The following PRKCA variants were observed in gnomAD, a reference collection of about 807,000 sequenced individuals.
PRKCA encodes the protein protein kinase C alpha.
PRKCA carries 27 observed loss-of-function variants against 87.0 expected under a neutral mutation model. The observed-to-expected ratio is 0.31, with a 90% CI of 0.23 to 0.43. The LOEUF is 0.43. Ranked by LOEUF, PRKCA falls within the 20% of genes least tolerant of loss-of-function variation. The pLI, the probability that PRKCA is intolerant of heterozygous loss-of-function variation, is 1.00. For synonymous variants in PRKCA, 329 were observed against 311.1 expected, an observed-to-expected ratio of 1.06 and a Z score of -0.61; for missense variants, 518 against 852.3, an observed-to-expected ratio of 0.61 and a Z score of 4.88.
chr17:66,777,989 T>C (rs1975101559), intron 14 of PRKCA: 1 of 985,410 alleles, frequency 1.0e-6, no homozygotes, highest in Admixed American at 6.1e-5. Context: ...GGGGTGCATT[T>C]TGAAGCTCTG....
intron 13 of PRKCA, among the ~76,000 whole-genome samples, chr17:66,770,890 G>A (rs1053485978): frequency 2.6e-5 from 4 of 152,194 alleles, no homozygotes; most frequent in Non-Finnish European, 5.9e-5. Flanking sequence ...AGATGCACGT[G>A]TCTGGGAAGA....
chr17:66,753,683 G>A (rs1274697926), intron 13 of PRKCA, among the ~76,000 whole-genome samples: 1 of 152,164 alleles, frequency 6.6e-6, no homozygotes, highest in African/African-American at 2.4e-5. Flanking sequence ...CTTGAAGAAG[G>A]TAATTAGGGG....
intron 2 of PRKCA, among the ~76,000 whole-genome samples, chr17:66,449,805 TCC>T: frequency 6.6e-6 from 1 of 152,096 alleles, no homozygotes; most frequent in Non-Finnish European, 1.5e-5. Flanking sequence ...GAGTGAAATC[TCC>T]CACCGTGGTT....
intron 8 of PRKCA, among the ~76,000 whole-genome samples, chr17:66,710,919 C>T (rs1371383233): frequency 1.3e-5 from 2 of 151,716 alleles, no homozygotes; most frequent in South Asian, 2.1e-4. Context: ...GGCAGGTGCC[C>T]GTAATCCCAG....
intron 3 of PRKCA, among the ~76,000 whole-genome samples, chr17:66,630,265 A>G (rs1043257986): frequency 2.0e-5 from 3 of 152,228 alleles, no homozygotes; most frequent in Non-Finnish European, 4.4e-5. Flanking sequence ...GAACAAAAAC[A>G]TGATTTAAGT....
intron 2 of PRKCA, among the ~76,000 whole-genome samples, chr17:66,427,334 A>G (rs903702484): frequency 6.6e-6 from 1 of 152,164 alleles, no homozygotes; most frequent in Admixed American, 6.5e-5. Context: ...GCCTGGCCTC[A>G]CTTGTTTTTT....
At chr17:66,621,826 C>A (rs1811496437) in intron 3 of PRKCA, among the ~76,000 whole-genome samples, 1 of 152,150 alleles carries the variant, frequency 6.6e-6, no homozygotes, top group South Asian at 2.1e-4. Context: ...ATAATCTGAT[C>A]CTCTAATGCA....
chr17:66,635,213 T>C (rs1269021371), intron 3 of PRKCA, among the ~76,000 whole-genome samples: 6 of 152,182 alleles, frequency 3.9e-5, no homozygotes, highest in Non-Finnish European at 2.9e-5. Context: ...TTTATAGATG[T>C]AGGAAAGGAT....
At chr17:66,622,853 C>CG (rs1567937884) in intron 3 of PRKCA, among the ~76,000 whole-genome samples, 2 of 152,114 alleles carry the variant, frequency 1.3e-5, no homozygotes, top group Non-Finnish European at 2.9e-5. Flanking sequence ...AAGAACAGTA[C>CG]GGGGGAACCG....
chr17:66,439,145 G>A (rs188963475), intron 2 of PRKCA, among the ~76,000 whole-genome samples: 1 of 152,070 alleles, frequency 6.6e-6, no homozygotes, highest in Non-Finnish European at 1.5e-5. Flanking sequence ...CCAACAGCCT[G>A]TACTACATTA....
intron 2 of PRKCA, among the ~76,000 whole-genome samples, chr17:66,462,237 A>G (rs73996213): frequency 6.6e-6 from 1 of 152,032 alleles, no homozygotes; most frequent in African/African-American, 2.4e-5. Context: ...CTTCTTCCTC[A>G]TTGTTTTATG....
chr17:66,486,999 G>GAAAT (rs1213471406), intron 2 of PRKCA, among the ~76,000 whole-genome samples: 1 of 152,106 alleles, frequency 6.6e-6, no homozygotes, highest in East Asian at 1.9e-4. Flanking sequence ...CAGGGCAACT[G>GAAAT]AAATATTCAT....
intron 3 of PRKCA, among the ~76,000 whole-genome samples, chr17:66,546,489 G>A (rs564635558): frequency 3.3e-5 from 5 of 152,240 alleles, no homozygotes; most frequent in South Asian, 4.1e-4. Flanking sequence ...ATTTTCCTAC[G>A]TTGTGTTAGT....
At chr17:66,762,077 C>A (rs1379174005) in intron 13 of PRKCA, among the ~76,000 whole-genome samples, 1 of 152,162 alleles carries the variant, frequency 6.6e-6, no homozygotes, top group Non-Finnish European at 1.5e-5. Flanking sequence ...TGATTCACTT[C>A]TGATTTACTA....
chr17:66,398,720 A>G (rs1452477998), intron 2 of PRKCA, among the ~76,000 whole-genome samples: 1 of 152,176 alleles, frequency 6.6e-6, no homozygotes, highest in Non-Finnish European at 1.5e-5. Context: ...CGAGAAAGGC[A>G]GATGGATGAT....
chr17:66,805,293 T>C lies in PRKCA; in HGVS notation c.*1256T>C. On this transcript the variant is annotated 3_prime_UTR_variant, in exon 17 of 17. Coordinates refer to ENST00000413366, the MANE Select transcript of PRKCA (RefSeq NM_002737.3). ...CATCATGCAATGAATTTTGCATGTT[T>C]ATAATAAACCTTAATAACAAGTGAA... 1 of 256,566 alleles carries C rather than the reference T, an allele frequency of 3.9e-6. No homozygotes were observed. Among genetic ancestry groups the C allele is most frequent in the East Asian group, 1.8e-4 (1 of 5,642 alleles). 15.9% of individuals were successfully genotyped at this position (256,566 alleles called of 1,614,324 possible). A position where few individuals can be genotyped will look rare whatever the true frequency, so the allele number is the denominator to read the frequency against.
At chr17:66,745,628 C>G (rs1974261022) in intron 13 of PRKCA, among the ~76,000 whole-genome samples, 1 of 152,180 alleles carries the variant, frequency 6.6e-6, no homozygotes, top group Non-Finnish European at 1.5e-5. Context: ...TTGCAGTGAG[C>G]TAAGATCGTG....
rs543612042 is a variant in PRKCA, at chr17:66,594,398, C to T, written c.289-46957C>T. On this transcript the variant is annotated intron_variant, in intron 3 of 16. Transcript: ENST00000413366. The stretch of plus-strand genomic sequence containing the variant: ...GCTTGATGATGCTCAACAGAACGAA[C>T]AAAGCTGTAGATTACTTGTCCAGAT... 2.0e-5 allele frequency among the ~76,000 whole-genome samples: 3 copies of T among 152,220 alleles called. No homozygotes were observed. The South Asian group carries it at 6.2e-4, about 32-fold the overall frequency.
In PRKCA at chr17:66,732,725, G is replaced by A. The variant is rs765196382; in HGVS notation, c.956G>A (p.Ser319Asn). 8.1e-6 allele frequency: 13 copies of A among 1,614,162 alleles called. No homozygotes were observed. Among genetic ancestry groups the A allele is most frequent in the Non-Finnish European group, 1.0e-5 (12 of 1,180,024 alleles). Residue 319 changes from serine (S) to asparagine (N), a missense_variant, in exon 9 of 17, where the codon AGT becomes AAT. By Grantham distance (46) the Ser-to-Asn change is conservative (BLOSUM62 1). Coordinates refer to ENST00000413366, the MANE Select transcript of PRKCA (RefSeq NM_002737.3). The part of the protein sequence containing the change: ...KLGPAGNKVI[S>N]PSEDRKQPSN... ...GGCCCTGCTGGCAACAAAGTCATCA[G>A]TCCCTCTGAAGACAGGAAACAACCT...
Sources: allele counts gnomAD v4.1 joint callset (sites outside exome capture counted in the v4.1 genomes callset), GRCh38; gene constraint gnomAD v4.1.1; transcripts MANE v1.5; gene names NCBI Gene and HGNC (gene_info 2026-07-23, HGNC 2026-07-21).